Variants in NSD2 observed in about 807,000 individuals in gnomAD.
The protein encoded by NSD2 is nuclear receptor binding SET domain protein 2, also known as histone-lysine N-methyltransferase NSD2.
Under a neutral mutation model 139.0 loss-of-function variants are expected in NSD2, and 12 were observed. The observed-to-expected ratio is 0.09, with a 90% CI of 0.06 to 0.14. The LOEUF is 0.14. Among genes scored for constraint, NSD2 ranks in the 10% least tolerant of loss-of-function variants. The pLI, the probability that NSD2 is intolerant of heterozygous loss-of-function variation, is 1.00. For missense variants in NSD2, 1,155 were observed against 1,745.0 expected (o/e 0.66, Z 6.02); for synonymous variants, 669 against 648.7 (o/e 1.03, Z -0.48).
At chr4:1,912,202 T>A (rs984983621) in intron 3 of NSD2, 6 of 265,796 alleles carry the variant, frequency 2.3e-5, no homozygotes, top group Non-Finnish European at 3.9e-5. Flanking sequence ...GAGGTAATTA[T>A]TTTTATCTCT....
At chr4:1,878,377 G>A (rs985458618) in intron 1 of NSD2, among the ~76,000 whole-genome samples, 7 of 148,202 alleles carry the variant, frequency 4.7e-5, no homozygotes, top group African/African-American at 7.5e-5. Context: ...CAAAGTGTTC[G>A]GATTACAGGC....
At chr4:1,905,486 G>A (rs1717770728) in intron 3 of NSD2, among the ~76,000 whole-genome samples, 1 of 152,256 alleles carries the variant, frequency 6.6e-6, no homozygotes, top group African/African-American at 2.4e-5. Flanking sequence ...CTGGCTGGAG[G>A]CCTGAGCTCC....
chr4:1,979,085 C>A lies in NSD2; in HGVS notation c.*176C>A, dbSNP rs187504628. ...CCACTGAGCCATCCTCAGCAGCGTC[C>A]GCTGCGTCTGCACTGATGACCGTCT... On this transcript the variant is annotated 3_prime_UTR_variant, in exon 22 of 22. Transcript: ENST00000508803. The A allele has an allele frequency of 1.3e-6, 1 of 755,398 alleles. No individual in the cohort carries two copies. The highest frequency in any genetic ancestry group is 2.0e-6 in the Non-Finnish European group (1 of 506,646). The allele number at this position is 755,398 out of a possible 1,614,324, so 46.8% of individuals were successfully genotyped here.
Position 1,940,422 on chromosome 4 carries a change from A to G in NSD2, c.1881+644A>G, listed in dbSNP as rs1014333926. On this transcript the variant is annotated intron_variant, in intron 9 of 21. Coordinates refer to ENST00000508803, the MANE Select transcript of NSD2 (RefSeq NM_001042424.3). ...TGGGGCTGCTGCCTGCCATCATTGT[A>G]ACATGACACTTAGACTTTATTATCA... The G allele has an allele frequency of 3.8e-6, 4 of 1,063,576 alleles. No homozygotes were observed. The African/African-American group carries it at 4.9e-5, about 13-fold the overall frequency. 65.9% of individuals were successfully genotyped at this position (1,063,576 alleles called of 1,614,324 possible). A position where few individuals can be genotyped will look rare whatever the true frequency, so the allele number is the denominator to read the frequency against.
At chr4:1,914,997 AGATT>A (rs1719171868) in intron 3 of NSD2, among the ~76,000 whole-genome samples, 1 of 151,714 alleles carries the variant, frequency 6.6e-6, no homozygotes, top group African/African-American at 2.4e-5. Context: ...CAAACCTCCT[AGATT>A]GATCTTACAG....
Position 1,951,145 on chromosome 4 carries a change from C to T in NSD2, c.1955C>T (p.Ser652Phe). ...GCAGACGAAACACAAACTGAAGTAT[C>T]TGTCTCATCCAAAAAGTCTGAGCGA... is the stretch of plus-strand genomic sequence containing the variant. ...ESADETQTEV[S>F]VSSKKSERGV... The change falls in exon 10 of 22, where the codon TCT becomes TTT. Residue 652 changes from serine (S) to phenylalanine (F), a missense_variant. Transcript: ENST00000508803. 1.2e-6 allele frequency: 2 copies of T among 1,614,228 alleles called. No homozygotes were observed. The highest frequency in any genetic ancestry group is 1.7e-6 in the Non-Finnish European group (2 of 1,180,040).
At chr4:1,936,325 G>T (rs1346230954) in intron 7 of NSD2, among the ~76,000 whole-genome samples, 1 of 152,150 alleles carries the variant, frequency 6.6e-6, no homozygotes, top group Non-Finnish European at 1.5e-5. Flanking sequence ...ACTTTTTCAT[G>T]AACTGAGACT....
intron 1 of NSD2, among the ~76,000 whole-genome samples, chr4:1,882,105 T>C (rs568514030): frequency 6.6e-6 from 1 of 152,338 alleles, no homozygotes; most frequent in African/African-American, 2.4e-5. Context: ...GAGTTGGTGC[T>C]GGGGAAGGTT....
chr4:1,901,363 C>T (rs1717152715), intron 2 of NSD2, 112 bp downstream of exon 2: 2 of 974,708 alleles, frequency 2.1e-6, no homozygotes, highest in Non-Finnish European at 3.0e-6. Flanking sequence ...GAGGACAGGC[C>T]TGGTACTTCC....
Position 1,980,134 on chromosome 4 carries a change from T to TA in NSD2, c.*1226dup, listed in dbSNP as rs1727612315. On this transcript the variant is annotated 3_prime_UTR_variant, in exon 22 of 22. Transcript: ENST00000508803. ...CTGCCTGGCAGGTGTGCGTGCCTCG[T>TA]ACGTGTGTTATGGGCACTGGTCTAG... 4.3e-6 allele frequency: 1 copy of TA among 233,324 alleles called. No homozygotes were observed. Among genetic ancestry groups the TA allele is most frequent in the African/African-American group, 2.2e-5 (1 of 45,362 alleles). The allele number at this position is 233,324 out of a possible 1,614,324, so 14.5% of individuals were successfully genotyped here. A position where few individuals can be genotyped will look rare whatever the true frequency, so the allele number is the denominator to read the frequency against.
intron 3 of NSD2, among the ~76,000 whole-genome samples, chr4:1,909,142 A>T (rs2108774010): frequency 6.6e-6 from 1 of 151,762 alleles, no homozygotes; most frequent in Admixed American, 6.6e-5. Flanking sequence ...GACCAGTGGG[A>T]GTTCTATTAA....
chr4:1,948,432 C>T lies in NSD2; in HGVS notation c.1882-2640C>T, dbSNP rs953881283. On this transcript the variant is annotated intron_variant, in intron 9 of 21. Coordinates refer to ENST00000508803, the MANE Select transcript of NSD2 (RefSeq NM_001042424.3). The surrounding 1 kb of genome is among the most constrained non-coding windows in gnomAD (Gnocchi z 4.5). ...ACCTGGTGCGTGGAGGTGGAGCCTGCGGCTGGAGTAAGGCTTGCTGTGGGA... is the reference window on the plus strand; with the variant it reads ...ACCTGGTGCGTGGAGGTGGAGCCTGTGGCTGGAGTAAGGCTTGCTGTGGGA... 6.6e-6 allele frequency: 7 copies of T among 1,065,682 alleles called. No homozygotes were observed. The highest frequency in any genetic ancestry group is 8.0e-6 in the Non-Finnish European group (7 of 878,644). 66.0% of individuals were successfully genotyped at this position (1,065,682 alleles called of 1,614,324 possible). A position where few individuals can be genotyped will look rare whatever the true frequency, so the allele number is the denominator to read the frequency against.
At chr4:1,944,662 A>C in intron 9 of NSD2, 1 of 1,063,594 alleles carries the variant, frequency 9.4e-7, no homozygotes, top group Non-Finnish European at 1.1e-6. Context: ...TGGCATCTTC[A>C]GGTAGTGCAC....
At chr4:1,933,515 G>A (rs1397485132) in intron 6 of NSD2, among the ~76,000 whole-genome samples, 3 of 152,110 alleles carry the variant, frequency 2.0e-5, no homozygotes, top group South Asian at 2.1e-4. Flanking sequence ...TCAGCCTCCC[G>A]AGTAGCTGGG....
At chr4:1,918,769 G>A in intron 5 of NSD2, 146 bp downstream of exon 5, 1 of 1,146,276 alleles carries the variant, frequency 8.7e-7, no homozygotes, top group Admixed American at 2.9e-5. Context: ...AAGTATTAGG[G>A]AACAGCCATT....
chr4:1,917,526 C>T (rs1474347373), intron 4 of NSD2, among the ~76,000 whole-genome samples: 2 of 152,134 alleles, frequency 1.3e-5, no homozygotes, highest in Admixed American at 1.3e-4. Context: ...TCCTCTGCCC[C>T]TCCGGGTTCA....
intron 3 of NSD2, among the ~76,000 whole-genome samples, chr4:1,916,289 G>A (rs1007434784): frequency 1.3e-5 from 2 of 152,138 alleles, no homozygotes; most frequent in Non-Finnish European, 2.9e-5. Flanking sequence ...CTTTTTAAGA[G>A]GGAATAAAGG....
intron 7 of NSD2, among the ~76,000 whole-genome samples, chr4:1,936,639 G>C (rs1323647817): frequency 2.1e-5 from 3 of 142,654 alleles, no homozygotes; most frequent in African/African-American, 2.7e-5. Flanking sequence ...CTGCACTCCA[G>C]CCTGGGTGAC....
chr4:1,935,157 GAAA>G lies in NSD2; in HGVS notation c.1574_1576del (p.Lys525del). Reference sequence around the variant, plus strand: ...CCCCATTCCAAGGTAATGTAAATGGGAAAAAAAGAAACCACACAAAGAGGATAC... The same window carrying G: ...CCCCATTCCAAGGTAATGTAAATGGGAAAAGAAACCACACAAAGAGGATAC... On this transcript the variant is annotated inframe_deletion, in exon 7 of 22. Coordinates refer to ENST00000508803, the MANE Select transcript of NSD2 (RefSeq NM_001042424.3). 1 of 1,609,908 alleles carries G rather than the reference GAAA, an allele frequency of 6.2e-7. No homozygotes were observed. Among genetic ancestry groups the G allele is most frequent in the Non-Finnish European group, 8.5e-7 (1 of 1,178,004 alleles).
Sources: gnomAD v4.1 joint callset for allele counts (sites outside exome capture counted in the v4.1 genomes callset) on GRCh38, gnomAD v4.1.1 for gene constraint, Gnocchi (gnomAD v3.1) non-coding constraint, MANE v1.5 for transcripts, NCBI Gene and HGNC (gene_info 2026-07-23, HGNC 2026-07-21) for gene names.